The following CCDC149 variants were observed in gnomAD, a reference collection of about 807,000 sequenced individuals.
CCDC149 encodes coiled-coil domain containing 149, also known as coiled-coil domain-containing protein 149.
In CCDC149, 45 loss-of-function variants were observed where a neutral mutation model predicts 59.9. The ratio of observed to expected loss-of-function variants is 0.75; its 90% confidence interval spans 0.59 to 0.96. CCDC149 has a LOEUF of 0.96. CCDC149 is among the 40% of genes least tolerant of loss of function. The pLI, the probability that CCDC149 is intolerant of heterozygous loss-of-function variation, is 0.00. For missense variants in CCDC149, 584 were observed against 664.7 expected (o/e 0.88, Z 1.33); for synonymous variants, 245 against 260.6 (o/e 0.94, Z 0.58).
In CCDC149 at chr4:24,808,377, T is replaced by C. The variant is rs577130267; in HGVS notation, c.*12A>G. On this transcript the variant is annotated 3_prime_UTR_variant, in exon 13 of 13. Coordinates refer to ENST00000635206, the MANE Select transcript of CCDC149 (RefSeq NM_001330643.2). ...GCTTTCAATGTGTCATTGTGTCAGATCCCTCTCCCCTTCAGGTTTTCACGG... is the reference window on the plus strand; with the variant it reads ...GCTTTCAATGTGTCATTGTGTCAGACCCCTCTCCCCTTCAGGTTTTCACGG... 6.9e-7 allele frequency: 1 copy of C among 1,444,608 alleles called. No individual in the cohort carries two copies. The highest frequency in any genetic ancestry group is 1.6e-5 in the South Asian group (1 of 64,402). The allele number at this position is 1,444,608 out of a possible 1,614,324, so 89.5% of individuals were successfully genotyped here.
chr4:24,941,303 A>G (rs1722947226), intron 1 of CCDC149, among the ~76,000 whole-genome samples: 1 of 152,242 alleles, frequency 6.6e-6, no homozygotes, highest in African/African-American at 2.4e-5. Flanking sequence ...ACTACTGGGT[A>G]CATAACGAAA....
Position 24,837,448 on chromosome 4 carries a change from G to A in CCDC149, c.490-48C>T, listed in dbSNP as rs2109142217. 3 of 1,587,422 alleles carry A rather than the reference G, an allele frequency of 1.9e-6. No individual in the cohort carries two copies. Among genetic ancestry groups the A allele is most frequent in the East Asian group, 2.2e-5 (1 of 44,712 alleles). ...TACTCAAGATGTTCCTCAGGCTCCA[G>A]CTTTATGGCCAGAGATGGAGCCTCC... On this transcript the variant is annotated intron_variant, in intron 5 of 12. Transcript: ENST00000635206. This position sits in a 1 kb window ranked among gnomAD's most constrained non-coding sequence, Gnocchi z 4.3.
rs146549112 is a variant in CCDC149 at position 24,865,147 on chromosome 4, C to T, written c.264+8534G>A. On this transcript the variant is annotated intron_variant, in intron 3 of 12. Coordinates refer to ENST00000635206, the MANE Select transcript of CCDC149 (RefSeq NM_001330643.2). ...GAAGAAAACAAGAGAGAGACAGACA[C>T]GCAGACAGACATGCAAGCCCTTGAC... is the stretch of plus-strand genomic sequence containing the variant. Among the ~76,000 whole-genome samples, 114 of 152,168 alleles carry T rather than the reference C, an allele frequency of 7.5e-4. 2 individuals carry two copies. In the East Asian group the frequency reaches 0.012, roughly 16 times the overall value.
chr4:24,938,840 C>T (rs1264536475), intron 1 of CCDC149, among the ~76,000 whole-genome samples: 2 of 152,216 alleles, frequency 1.3e-5, no homozygotes, highest in African/African-American at 4.8e-5. Flanking sequence ...ATCAGCGAGG[C>T]TGGGTGAGGG....
intron 12 of CCDC149, among the ~76,000 whole-genome samples, chr4:24,819,647 C>T (rs567409777): frequency 3.1e-4 from 47 of 152,302 alleles, no homozygotes; most frequent in African/African-American, 1.1e-3. Flanking sequence ...AACCTCTCTG[C>T]CACCATGCCT....
chr4:24,925,752 G>C (rs1722419610), intron 1 of CCDC149, among the ~76,000 whole-genome samples: 1 of 152,152 alleles, frequency 6.6e-6, no homozygotes. Flanking sequence ...TAGCATGTAA[G>C]ATATTTCTGA....
intron 2 of CCDC149, among the ~76,000 whole-genome samples, chr4:24,874,263 T>TG (rs1643855093): frequency 3.3e-5 from 1 of 30,474 alleles, no homozygotes; most frequent in African/African-American, 9.5e-5. Context: ...TTTTTTTGTT[T>TG]TGTTTTTTTT....
chr4:24,943,049 T>A (rs980224831), intron 1 of CCDC149, among the ~76,000 whole-genome samples: 47 of 151,430 alleles, frequency 3.1e-4, no homozygotes, highest in African/African-American at 1.1e-3. Flanking sequence ...AAAAACTACT[T>A]TAAAGTTCAT....
chr4:24,815,549 G>C (rs951381121), intron 12 of CCDC149, among the ~76,000 whole-genome samples: 2 of 152,152 alleles, frequency 1.3e-5, no homozygotes, highest in African/African-American at 4.8e-5. Flanking sequence ...CTTCTTCCAG[G>C]ACACTTAATA....
intron 3 of CCDC149, among the ~76,000 whole-genome samples, chr4:24,855,031 T>C (rs968917251): frequency 3.3e-5 from 5 of 152,242 alleles, no homozygotes; most frequent in Non-Finnish European, 5.9e-5. Context: ...TCATGGTTCA[T>C]TGCTTACTGT....
intron 1 of CCDC149, among the ~76,000 whole-genome samples, chr4:24,965,038 A>C (rs1397188234): frequency 6.6e-6 from 1 of 151,300 alleles, no homozygotes; most frequent in Non-Finnish European, 1.5e-5. Flanking sequence ...ACTGTCCTTA[A>C]AAATGGTAAA....
At chr4:24,876,942 G>A (rs1367107843) in intron 1 of CCDC149, among the ~76,000 whole-genome samples, 1 of 152,084 alleles carries the variant, frequency 6.6e-6, no homozygotes, top group Non-Finnish European at 1.5e-5. Flanking sequence ...GTTTTAAAAA[G>A]TTGCATAAAT....
At chr4:24,946,231 C>A (rs548572967) in intron 1 of CCDC149, among the ~76,000 whole-genome samples, 2 of 152,186 alleles carry the variant, frequency 1.3e-5, no homozygotes. Context: ...TGTCATGGTT[C>A]AATTGCCTAG....
At chr4:24,824,225 C>T (rs892539107) in intron 9 of CCDC149, among the ~76,000 whole-genome samples, 2 of 152,194 alleles carry the variant, frequency 1.3e-5, no homozygotes, top group African/African-American at 2.4e-5. Context: ...AGAAATGGAA[C>T]GAAGTGAATT....
intron 1 of CCDC149, among the ~76,000 whole-genome samples, chr4:24,953,198 G>A (rs1044261164): frequency 3.9e-5 from 6 of 152,182 alleles, no homozygotes; most frequent in African/African-American, 7.2e-5. Flanking sequence ...CTGGCTGGGG[G>A]CTCCACTGGA....
chr4:24,823,413 G>A (rs759534979), intron 9 of CCDC149, among the ~76,000 whole-genome samples: 1 of 152,170 alleles, frequency 6.6e-6, no homozygotes, highest in South Asian at 2.1e-4. Context: ...AAATAATATA[G>A]TTGGGAAATA....
upstream of CCDC149, among the ~76,000 whole-genome samples, chr4:24,916,638 C>G (rs1004490035): frequency 1.3e-5 from 2 of 152,096 alleles, no homozygotes; most frequent in African/African-American, 4.8e-5. Flanking sequence ...AAGCAAATCT[C>G]CAGTAGAGAT....
At chr4:24,913,129 G>T (rs1722000484), upstream of CCDC149, among the ~76,000 whole-genome samples, 1 of 150,858 alleles carries the variant, frequency 6.6e-6, no homozygotes, top group South Asian at 2.1e-4. Flanking sequence ...CCCGCCCCGC[G>T]CCCTCAGCCC....
At chr4:24,889,354 A>T (rs1433275618) in intron 1 of CCDC149, among the ~76,000 whole-genome samples, 1 of 152,192 alleles carries the variant, frequency 6.6e-6, no homozygotes, top group Non-Finnish European at 1.5e-5. Context: ...TGAAGATAGC[A>T]TCTATTTCTA....
Sources: gnomAD v4.1 joint callset for allele counts (sites outside exome capture counted in the v4.1 genomes callset) on GRCh38, gnomAD v4.1.1 for gene constraint, Gnocchi (gnomAD v3.1) non-coding constraint, MANE v1.5 for transcripts, NCBI Gene and HGNC (gene_info 2026-07-23, HGNC 2026-07-21) for gene names.